RALGAPB: variants seen among roughly 807,000 people sequenced by gnomAD.
The protein encoded by RALGAPB is ral GTPase-activating protein subunit beta.
A neutral mutation model predicts 161.1 loss-of-function variants in RALGAPB; 25 were observed. That is an observed-to-expected ratio of 0.16 (90% confidence interval 0.11 to 0.22). The LOEUF (loss-of-function observed/expected upper bound fraction) is 0.22, where lower values mean the gene tolerates loss of function less well. RALGAPB is among the 10% of genes least tolerant of loss of function. RALGAPB has a pLI of 1.00. For synonymous variants in RALGAPB, 629 were observed against 626.1 expected (o/e 1.00, Z -0.07); for missense variants, 1,391 against 1,815.2 (o/e 0.77, Z 4.25).
intron 15 of RALGAPB, among the ~76,000 whole-genome samples, chr20:38,533,226 C>CA (rs2086709005): frequency 1.3e-5 from 2 of 152,036 alleles, no homozygotes; most frequent in South Asian, 4.2e-4. Flanking sequence ...TGCAGTGTGG[C>CA]AAGGAGGGTA....
intron 15 of RALGAPB, 143 bp from the exon 16 acceptor site, chr20:38,534,931 G>C: frequency 1.0e-6 from 1 of 972,592 alleles, no homozygotes. Flanking sequence ...AACCCAGTGG[G>C]GTGGGGAGCG....
At chr20:38,507,132 C>T (rs1891414452) in intron 5 of RALGAPB, among the ~76,000 whole-genome samples, 1 of 152,134 alleles carries the variant, frequency 6.6e-6, no homozygotes, top group African/African-American at 2.4e-5. Context: ...CATTCAGAGC[C>T]AACCCATGTT....
chr20:38,511,207 G>C lies in RALGAPB; in HGVS notation c.872+1999G>C, dbSNP rs375545445. On this transcript the variant is annotated intron_variant, in intron 6 of 29. Transcript: ENST00000262879. ...CACCACACTTAATTGCAAGAGAACA[G>C]AGAAGAAAAGAGAAAGTGGTGAACA... Among the ~76,000 whole-genome samples the C allele has an allele frequency of 1.7e-4, 26 of 152,198 alleles. No homozygotes were observed. The South Asian group carries it at 4.6e-3, about 27-fold the overall frequency.
In RALGAPB at chr20:38,551,110, G is replaced by A. The variant is rs773191841; in HGVS notation, c.3049G>A (p.Val1017Ile). The change falls in exon 21 of 30, where the codon GTT (valine) becomes ATT (isoleucine). Residue 1017 changes from valine to isoleucine, a missense_variant. By Grantham distance (29) the Val-to-Ile change is conservative. This residue lies in a region of RALGAPB where 946 missense variants were observed against 1,257.2 expected (regional missense o/e 0.75). Transcript: ENST00000262879. ...ACCTCGCCCAGTTCCTAAAAATGACGTTGGATTTAAATATTCTGTGAAACA... is the reference window on the plus strand; with the variant it reads ...ACCTCGCCCAGTTCCTAAAAATGACATTGGATTTAAATATTCTGTGAAACA... ...PEPRPVPKND[V>I]GFKYSVKHRP... 5.6e-6 allele frequency: 9 copies of A among 1,613,816 alleles called. No homozygotes were observed. Among genetic ancestry groups the A allele is most frequent in the African/African-American group, 2.7e-5 (2 of 74,910 alleles).
chr20:38,549,522 C>A (rs1193028138), intron 20 of RALGAPB, among the ~76,000 whole-genome samples: 3 of 147,726 alleles, frequency 2.0e-5, no homozygotes, highest in Admixed American at 2.0e-4. Context: ...AGCTGTCACA[C>A]CCAGCCTAAT....
chr20:38,530,526 A>G lies in RALGAPB; in HGVS notation c.2051-641A>G, dbSNP rs560793801. Among the ~76,000 whole-genome samples, 227 of 151,580 alleles carry G rather than the reference A, an allele frequency of 1.5e-3. 1 individual carries two copies. The highest frequency in any genetic ancestry group is 5.3e-3 in the African/African-American group (219 of 41,340). Reference sequence around the variant, plus strand: ...TGCTGACTCGGCCTCCCAAAGTGCTAGAATTACAGGCATGAGCTAGTATGC... The same window carrying G: ...TGCTGACTCGGCCTCCCAAAGTGCTGGAATTACAGGCATGAGCTAGTATGC... On this transcript the variant is annotated intron_variant, in intron 13 of 29. Coordinates refer to ENST00000262879, the MANE Select transcript of RALGAPB (RefSeq NM_020336.4).
chr20:38,540,963 T>C (rs2086946192), intron 17 of RALGAPB, 78 bp from the exon 18 acceptor site: 1 of 1,503,962 alleles, frequency 6.6e-7, no homozygotes, highest in Non-Finnish European at 9.0e-7. Flanking sequence ...GCAACCACTG[T>C]TAGCATTTGG....
At position 38,491,143 on chromosome 20, in the gene RALGAPB, A is replaced by G. The variant is rs184538587; in HGVS notation, c.187-1787A>G. Reference sequence around the variant, plus strand: ...CTTTAACACTTACTGCAGTTAAACCATGTATTTCCTACCCTTAACCTTTGT... The same window carrying G: ...CTTTAACACTTACTGCAGTTAAACCGTGTATTTCCTACCCTTAACCTTTGT... On this transcript the variant is annotated intron_variant, in intron 2 of 29. Coordinates refer to ENST00000262879, the MANE Select transcript of RALGAPB (RefSeq NM_020336.4). 3.9e-5 allele frequency among the ~76,000 whole-genome samples: 6 copies of G among 152,304 alleles called. No individual in the cohort carries two copies. The East Asian group carries it at 9.6e-4, about 24-fold the overall frequency.
At chr20:38,510,905 G>C (rs982868796) in intron 6 of RALGAPB, among the ~76,000 whole-genome samples, 2 of 114,648 alleles carry the variant, frequency 1.7e-5, no homozygotes. Context: ...GCGAGACTCC[G>C]TCTCAAAAAA....
At chr20:38,485,135 T>C (rs1027259548) in intron 1 of RALGAPB, among the ~76,000 whole-genome samples, 1 of 152,230 alleles carries the variant, frequency 6.6e-6, no homozygotes, top group African/African-American at 2.4e-5. Flanking sequence ...TTTGTATTTA[T>C]ATGTAAATGA....
In RALGAPB at chr20:38,517,801, C is replaced by T. The variant is rs1428356252; in HGVS notation, c.1218C>T (p.Ala406=). ...MKTSTVSTAH[A]SKVQHQTSST... ...TCTAATAGGTTAGTACTGCTCATGC[C>T]TCTAAAGTTCAGCACCAGACGTCCT... The change falls in exon 9 of 30, where the codon GCC becomes GCT. Residue 406 remains alanine (A), a synonymous_variant. Transcript: ENST00000262879. 6.2e-7 allele frequency: 1 copy of T among 1,613,242 alleles called. No homozygotes were observed. Among genetic ancestry groups the T allele is most frequent in the Non-Finnish European group, 8.5e-7 (1 of 1,179,342 alleles).
At chr20:38,505,786 G>A (rs886097945) in intron 5 of RALGAPB, among the ~76,000 whole-genome samples, 2 of 152,090 alleles carry the variant, frequency 1.3e-5, no homozygotes, top group Non-Finnish European at 2.9e-5. Flanking sequence ...TGTTTTATTA[G>A]GGTAGTGTGA....
At chr20:38,518,992 TATC>T in intron 9 of RALGAPB, among the ~76,000 whole-genome samples, 2 of 152,208 alleles carry the variant, frequency 1.3e-5, no homozygotes, top group East Asian at 3.8e-4. Context: ...CTATTATTAT[TATC>T]ATCTCAGAAC....
chr20:38,574,846 C>A lies in RALGAPB; in HGVS notation c.4364C>A (p.Pro1455His), dbSNP rs557814523. ...KRLESDSYSPPHVRRKQKITD... is the reference protein window; with the variant it reads ...KRLESDSYSPHHVRRKQKITD... ...CTGGAAAGTGACTCCTACAGTCCCC[C>A]CCATGTCCGCCGGAAACAGAAAATC... Residue 1455 changes from proline (P) to histidine (H), a missense_variant, in exon 30 of 30, where the codon CCC (proline) becomes CAC (histidine). Pro to His is a moderately conservative substitution (Grantham distance 77, BLOSUM62 -2). Coordinates refer to ENST00000262879, the MANE Select transcript of RALGAPB (RefSeq NM_020336.4). The A allele has an allele frequency of 5.8e-5, 94 of 1,613,608 alleles. No individual in the cohort carries two copies. The highest frequency in any genetic ancestry group is 7.5e-5 in the Non-Finnish European group (88 of 1,179,646).
intron 20 of RALGAPB, 60 bp downstream of exon 20, chr20:38,548,855 C>G (rs1441755707): frequency 7.4e-7 from 1 of 1,359,896 alleles, no homozygotes; most frequent in East Asian, 2.3e-5. Context: ...GGTTAGGTAA[C>G]ATTCCAACAG....
intron 23 of RALGAPB, 135 bp downstream of exon 23, chr20:38,558,588 G>C: frequency 1.3e-6 from 1 of 780,842 alleles, no homozygotes; most frequent in Non-Finnish European, 1.8e-6. Flanking sequence ...GGAAGTGCTG[G>C]AAAGTGCTTC....
intron 5 of RALGAPB, among the ~76,000 whole-genome samples, chr20:38,506,306 T>G (rs183619924): frequency 6.6e-6 from 1 of 152,216 alleles, no homozygotes; most frequent in East Asian, 1.9e-4. Context: ...TTTCCTTTTT[T>G]TTTTTGACAG....
intron 13 of RALGAPB, 85 bp from the exon 14 acceptor site, chr20:38,531,082 C>G: frequency 8.7e-7 from 1 of 1,152,310 alleles, no homozygotes; most frequent in South Asian, 1.3e-5. Context: ...ATATTCTTAT[C>G]TGTACTATTA....
intron 18 of RALGAPB, among the ~76,000 whole-genome samples, chr20:38,546,036 C>T (rs2087151301): frequency 6.6e-6 from 1 of 152,098 alleles, no homozygotes; most frequent in African/African-American, 2.4e-5. Flanking sequence ...TACAGGTATG[C>T]ATCTGGGGTA....
Sources: allele counts gnomAD v4.1 joint callset (sites outside exome capture counted in the v4.1 genomes callset), GRCh38; gene constraint gnomAD v4.1.1; regional missense constraint gnomAD v4.1.1; transcripts MANE v1.5; gene names NCBI Gene and HGNC (gene_info 2026-07-23, HGNC 2026-07-21).